The following ACSM2B variants were observed in gnomAD, a reference collection of about 807,000 sequenced individuals.
ACSM2B encodes the protein acyl-coenzyme A synthetase ACSM2B, mitochondrial.
A neutral mutation model predicts 78.6 loss-of-function variants in ACSM2B; 58 were observed. The ratio of observed to expected loss-of-function variants is 0.74; its 90% CI spans 0.60 to 0.92. The LOEUF is 0.92. Among genes scored for constraint, ACSM2B ranks in the 40% least tolerant of loss-of-function variants. ACSM2B has a pLI of 0.00. For missense variants in ACSM2B, 688 were observed against 711.2 expected (o/e 0.97, Z 0.37); for synonymous variants, 257 against 256.8 (o/e 1.00, Z -0.01).
intron 5 of ACSM2B, 142 bp from the exon 6 acceptor site, chr16:20,552,439 A>T: frequency 1.6e-6 from 2 of 1,259,076 alleles, no homozygotes; most frequent in Non-Finnish European, 2.1e-6. Flanking sequence ...GCATATGTTT[A>T]AGTATAAGTA....
intron 8 of ACSM2B, 194 bp from the exon 9 acceptor site, chr16:20,546,668 T>C (rs58395451): frequency 9.3e-7 from 1 of 1,076,336 alleles, no homozygotes; most frequent in Non-Finnish European, 1.2e-6. Flanking sequence ...CTAAATTGTT[T>C]GTTCAGGAAG....
At chr16:20,540,224 G>GT (rs67241828) in intron 13 of ACSM2B, among the ~76,000 whole-genome samples, 13,462 of 77,286 alleles carry the variant, frequency 0.17, 932 homozygotes, top group African/African-American at 0.23. Context: ...TTTTTTTTTT[G>GT]TTTTTTTTTT....
At chr16:20,568,127 G>T (rs1360715221) in intron 1 of ACSM2B, among the ~76,000 whole-genome samples, 2 of 141,662 alleles carry the variant, frequency 1.4e-5, no homozygotes, top group Non-Finnish European at 3.1e-5. Context: ...TTATATATAT[G>T]TTATACGTTC....
At chr16:20,566,645 C>CTATATATAGTATA (rs375962180) in intron 1 of ACSM2B, among the ~76,000 whole-genome samples, 2 of 11,602 alleles carry the variant, frequency 1.7e-4, no homozygotes, top group African/African-American at 6.9e-4. Context: ...TATATATATA[C>CTATATATAGTATA]TATACTATAT....
At chr16:20,573,345 G>C (rs1314933150) in intron 1 of ACSM2B, among the ~76,000 whole-genome samples, 2 of 150,328 alleles carry the variant, frequency 1.3e-5, no homozygotes, top group East Asian at 2.0e-4. Context: ...TCATTATCTT[G>C]CTTGGCAACT....
In ACSM2B at chr16:20,564,729, T is replaced by C. The variant is rs1425583817; in HGVS notation, c.117A>G (p.Glu39=). 2 of 1,613,586 alleles carry C rather than the reference T, an allele frequency of 1.2e-6. No individual in the cohort carries two copies. Among genetic ancestry groups the C allele is most frequent in the South Asian group, 1.1e-5 (1 of 91,030 alleles). Reference sequence around the variant, plus strand: ...TAGCAAAGTTAAACTTGGCCGGCACTTCCTGGTGGCCCCACTGCAGGGACA... The same window carrying C: ...TAGCAAAGTTAAACTTGGCCGGCACCTCCTGGTGGCCCCACTGCAGGGACA... ...QLVSLQWGHQ[E]VPAKFNFASD... is the part of the protein sequence containing the mutation. Residue 39 remains glutamate (E), a synonymous_variant, in exon 2 of 14, where the codon GAA becomes GAG. Coordinates refer to ENST00000329697, the MANE Select transcript of ACSM2B (RefSeq NM_001105069.2).
intron 1 of ACSM2B, among the ~76,000 whole-genome samples, chr16:20,574,879 G>T (rs1356237623): frequency 1.3e-5 from 2 of 150,392 alleles, no homozygotes; most frequent in Non-Finnish European, 2.9e-5. Flanking sequence ...GAATCCCCGA[G>T]TTCATCATTT....
chr16:20,573,265 G>T (rs2016144133), intron 1 of ACSM2B, among the ~76,000 whole-genome samples: 1 of 151,498 alleles, frequency 6.6e-6, no homozygotes, highest in Non-Finnish European at 1.5e-5. Context: ...ATGTTCCCCT[G>T]ATGTAGTACT....
intron 3 of ACSM2B, among the ~76,000 whole-genome samples, chr16:20,557,022 G>C (rs1415084354): frequency 6.6e-6 from 1 of 151,984 alleles, no homozygotes; most frequent in African/African-American, 2.4e-5. Context: ...TATGCGGCGG[G>C]TGGGAGCTTT....
At chr16:20,542,674 A>C in intron 12 of ACSM2B, 3 of 520,632 alleles carry the variant, frequency 5.8e-6, no homozygotes, top group Non-Finnish European at 1.0e-5. Context: ...AAATCACCAT[A>C]CTTAAGTACT....
At chr16:20,575,450 C>A (rs1001169730) in intron 1 of ACSM2B, 1 of 150,952 alleles carries the variant, frequency 6.6e-6, no homozygotes, top group African/African-American at 2.5e-5. Flanking sequence ...AATAGGCCAT[C>A]TGCAGGCTGA....
In ACSM2B at chr16:20,553,807, C is replaced by A. The variant is rs1409204223; in HGVS notation, c.710G>T (p.Ser237Ile). The part of the protein sequence containing the change: ...LPKMAEHSYS[S>I]LGLKAKMDAG... ...ATCCATCTTGGCCTTGAGGCCCAGGCTCGAGTAGGAATGTTCTGCCATCTT... is the reference window on the plus strand; with the variant it reads ...ATCCATCTTGGCCTTGAGGCCCAGGATCGAGTAGGAATGTTCTGCCATCTT... The change falls in exon 5 of 14, where the codon AGC (serine) becomes ATC (isoleucine). Residue 237 changes from serine to isoleucine, a missense_variant. Ser to Ile is a moderately radical substitution (Grantham distance 142). Transcript: ENST00000329697. The A allele has an allele frequency of 6.2e-7, 1 of 1,611,988 alleles. No homozygotes were observed. Among genetic ancestry groups the A allele is most frequent in the Non-Finnish European group, 8.5e-7 (1 of 1,178,426 alleles).
intron 2 of ACSM2B, 55 bp downstream of exon 2, chr16:20,564,614 A>C (rs2015762915): frequency 6.3e-7 from 1 of 1,576,942 alleles, no homozygotes; most frequent in African/African-American, 1.4e-5. Context: ...TTAATGGATG[A>C]ATTTTAAAAG....
At chr16:20,542,810 G>T (rs1312984866) in intron 12 of ACSM2B, 104 bp downstream of exon 12, 28 of 1,416,786 alleles carry the variant, frequency 2.0e-5, no homozygotes, top group Non-Finnish European at 2.6e-5. Flanking sequence ...GGCCAAGATT[G>T]GGTCTCAGAG....
chr16:20,560,238 A>G (rs1428449266), intron 2 of ACSM2B, among the ~76,000 whole-genome samples: 2 of 151,540 alleles, frequency 1.3e-5, no homozygotes, highest in Admixed American at 1.3e-4. Flanking sequence ...ACTATTCTAG[A>G]TACATGATAT....
intron 1 of ACSM2B, among the ~76,000 whole-genome samples, chr16:20,567,645 C>G (rs57366670): frequency 0.18 from 24,495 of 133,108 alleles, 5,726 homozygotes; most frequent in African/African-American, 0.55. Context: ...TCTATATATA[C>G]TATGCTATTA....
chr16:20,548,220 C>T (rs761101298), intron 7 of ACSM2B, 35 bp from the exon 8 acceptor site: 18 of 1,613,516 alleles, frequency 1.1e-5, no homozygotes, highest in African/African-American at 4.0e-5. Flanking sequence ...CCCTCAGCCT[C>T]CCTGGAACCA....
chr16:20,574,966 C>A (rs2016204403), intron 1 of ACSM2B, among the ~76,000 whole-genome samples: 1 of 146,488 alleles, frequency 6.8e-6, no homozygotes, highest in African/African-American at 2.7e-5. Flanking sequence ...CACATATGGT[C>A]AAAGGTATGA....
chr16:20,543,382 G>C (rs2015053628), intron 10 of ACSM2B, 120 bp from the exon 11 acceptor site: 1 of 1,550,102 alleles, frequency 6.5e-7, no homozygotes. Flanking sequence ...TGTATAACCT[G>C]AACATGGCAG....
Sources: allele counts gnomAD v4.1 joint callset (sites outside exome capture counted in the v4.1 genomes callset), GRCh38; gene constraint gnomAD v4.1.1; transcripts MANE v1.5; gene names NCBI Gene and HGNC (gene_info 2026-07-23, HGNC 2026-07-21).